The following CNGB3 variants were observed in gnomAD, a reference collection of about 807,000 sequenced individuals.
CNGB3 encodes cyclic nucleotide gated channel subunit beta 3.
In CNGB3, 86 loss-of-function variants were observed where a neutral mutation model predicts 92.8. The ratio of observed to expected loss-of-function variants is 0.93; its 90% CI spans 0.78 to 1.11. The LOEUF is 1.11. CNGB3 is among the 50% of genes least tolerant of loss of function. The pLI is 0.00. For missense variants in CNGB3, 1,026 were observed against 956.8 expected (o/e 1.07, Z -0.95); for synonymous variants, 333 against 332.7 (o/e 1.00, Z -0.01).
At chr8:86,619,751 T>TTTTTTTG (rs1822690073) in intron 13 of CNGB3, among the ~76,000 whole-genome samples, 1 of 121,214 alleles carries the variant, frequency 8.2e-6, no homozygotes, top group Admixed American at 8.3e-5. Flanking sequence ...TTTTTTTTTT[T>TTTTTTTG]GCGACAGGGT....
At chr8:86,711,091 T>C (rs1459138007) in intron 3 of CNGB3, among the ~76,000 whole-genome samples, 1 of 152,200 alleles carries the variant, frequency 6.6e-6, no homozygotes, top group Non-Finnish European at 1.5e-5. Context: ...TGGAGGTTTT[T>C]TGAATAAAGA....
intron 15 of CNGB3, among the ~76,000 whole-genome samples, chr8:86,589,676 T>C (rs1821983252): frequency 1.3e-5 from 2 of 152,268 alleles, no homozygotes; most frequent in Admixed American, 6.5e-5. Context: ...TCCTGAGTTC[T>C]AGTTTCATTG....
At chr8:86,586,078 T>C (rs1821883574) in intron 15 of CNGB3, among the ~76,000 whole-genome samples, 1 of 152,140 alleles carries the variant, frequency 6.6e-6, no homozygotes, top group Admixed American at 6.5e-5. Flanking sequence ...AGGTCAATCA[T>C]GCAAGGGAAG....
chr8:86,613,770 A>G (rs994194888), intron 13 of CNGB3, among the ~76,000 whole-genome samples: 1 of 151,422 alleles, frequency 6.6e-6, no homozygotes, highest in African/African-American at 2.4e-5. Context: ...TCCTATCAGA[A>G]TGTATTTTGA....
At chr8:86,708,345 A>G (rs1051006301) in intron 3 of CNGB3, among the ~76,000 whole-genome samples, 1 of 152,066 alleles carries the variant, frequency 6.6e-6, no homozygotes, top group African/African-American at 2.4e-5. Context: ...GGTAAGCCAG[A>G]TAAAGATAGA....
intron 6 of CNGB3, among the ~76,000 whole-genome samples, chr8:86,654,353 T>C (rs1823462077): frequency 6.6e-6 from 1 of 152,194 alleles, no homozygotes; most frequent in African/African-American, 2.4e-5. Flanking sequence ...CAATTTGGCT[T>C]CTTCCTGCTT....
At chr8:86,692,522 T>C (rs895274676) in intron 3 of CNGB3, among the ~76,000 whole-genome samples, 10 of 152,232 alleles carry the variant, frequency 6.6e-5, no homozygotes, top group African/African-American at 2.4e-4. Context: ...TAAAGTCTTT[T>C]TTGTCTGTTA....
At chr8:86,597,231 C>T (rs957767422) in intron 15 of CNGB3, among the ~76,000 whole-genome samples, 2 of 152,102 alleles carry the variant, frequency 1.3e-5, no homozygotes, top group Non-Finnish European at 2.9e-5. Context: ...AAGAATGCCT[C>T]CTTTCACAGA....
chr8:86,723,307 G>C (rs1825006665), intron 3 of CNGB3, among the ~76,000 whole-genome samples: 1 of 152,012 alleles, frequency 6.6e-6, no homozygotes, highest in Admixed American at 6.6e-5. Context: ...TTAAAAAATT[G>C]AGGTGACAGC....
chr8:86,643,754 T>C lies in CNGB3; in HGVS notation c.1175A>G (p.Asn392Ser). The C allele has an allele frequency of 3.7e-6, 6 of 1,605,364 alleles. No individual in the cohort carries two copies. Among genetic ancestry groups the C allele is most frequent in the Non-Finnish European group, 5.1e-6 (6 of 1,174,608 alleles). Residue 392 changes from asparagine to serine, a missense_variant, in exon 10 of 18, where the codon AAC (asparagine) becomes AGC (serine). Coordinates refer to ENST00000320005, the MANE Select transcript of CNGB3 (RefSeq NM_019098.5). ...TTRWVYDGEG[N>S]EYLRCYYWAV... is the part of the protein sequence containing the mutation. Reference sequence around the variant, plus strand: ...TTCTTTCAAAATCAGAACTTACTCGTTTCCTTCCCCATCATACACCCATCT... The same window carrying C: ...TTCTTTCAAAATCAGAACTTACTCGCTTCCTTCCCCATCATACACCCATCT...
At chr8:86,715,391 G>A (rs1362078482) in intron 3 of CNGB3, among the ~76,000 whole-genome samples, 1 of 152,016 alleles carries the variant, frequency 6.6e-6, no homozygotes, top group African/African-American at 2.4e-5. Context: ...ACACTCCCTA[G>A]TACCACCCTG....
chr8:86,709,962 T>C (rs1824721508), intron 3 of CNGB3, among the ~76,000 whole-genome samples: 1 of 152,196 alleles, frequency 6.6e-6, no homozygotes, highest in South Asian at 2.1e-4. Context: ...CAACAGTATG[T>C]ATTAAGTGCC....
At chr8:86,664,618 C>T (rs1010796379) in intron 6 of CNGB3, among the ~76,000 whole-genome samples, 2 of 152,132 alleles carry the variant, frequency 1.3e-5, no homozygotes, top group Non-Finnish European at 2.9e-5. Flanking sequence ...CAATAAACTT[C>T]CCTCAACACT....
intron 13 of CNGB3, among the ~76,000 whole-genome samples, chr8:86,613,225 T>G (rs1822553605): frequency 6.6e-6 from 1 of 152,250 alleles, no homozygotes. Flanking sequence ...ACACGTTTTA[T>G]TTATATTTGT....
chr8:86,589,614 A>G (rs1425827701), intron 15 of CNGB3, among the ~76,000 whole-genome samples: 1 of 151,996 alleles, frequency 6.6e-6, no homozygotes, highest in African/African-American at 2.4e-5. Context: ...GTCATTCAGG[A>G]GCAGGTTGTT....
chr8:86,672,749 T>C (rs1301464395), intron 3 of CNGB3, among the ~76,000 whole-genome samples: 1 of 152,200 alleles, frequency 6.6e-6, no homozygotes, highest in Non-Finnish European at 1.5e-5. Context: ...CTATAAATGT[T>C]TACAGGTTCC....
intron 4 of CNGB3, among the ~76,000 whole-genome samples, chr8:86,668,554 A>C (rs1823794410): frequency 1.3e-5 from 2 of 152,228 alleles, no homozygotes; most frequent in African/African-American, 4.8e-5. Context: ...ATACAGACAG[A>C]TGAAACAAAA....
At chr8:86,584,824 A>G (rs1821861537) in intron 15 of CNGB3, among the ~76,000 whole-genome samples, 1 of 152,232 alleles carries the variant, frequency 6.6e-6, no homozygotes, top group Non-Finnish European at 1.5e-5. Flanking sequence ...AGACAATAAC[A>G]TAAAGACTTT....
intron 13 of CNGB3, among the ~76,000 whole-genome samples, chr8:86,624,303 C>T (rs958307926): frequency 3.3e-5 from 5 of 152,090 alleles, no homozygotes; most frequent in Non-Finnish European, 5.9e-5. Flanking sequence ...CCTGTAATCC[C>T]AGCTACTTGG....
Sources: allele counts gnomAD v4.1 joint callset (sites outside exome capture counted in the v4.1 genomes callset), GRCh38; gene constraint gnomAD v4.1.1; transcripts MANE v1.5; gene names NCBI Gene and HGNC (gene_info 2026-07-23, HGNC 2026-07-21).